Variants in EXT2 observed in about 807,000 individuals in gnomAD.
EXT2 encodes exostosin-2.
In EXT2, 53 loss-of-function variants were observed where a neutral mutation model predicts 81.6. The observed-to-expected ratio is 0.65, with a 90% CI of 0.52 to 0.82. EXT2 has a LOEUF of 0.82. Ranked by LOEUF, EXT2 falls within the 40% of genes least tolerant of loss-of-function variation. The probability of loss-of-function intolerance (pLI) is 0.00; values close to 1 mark genes in which losing one functional copy is unlikely to be tolerated. For missense variants in EXT2, 774 were observed against 910.2 expected, an observed-to-expected ratio of 0.85 and a Z score of 1.93; for synonymous variants, 320 against 340.0, an observed-to-expected ratio of 0.94 and a Z score of 0.65.
chr11:44,161,806 G>A (rs1234599450), intron 7 of EXT2, among the ~76,000 whole-genome samples: 1 of 152,204 alleles, frequency 6.6e-6, no homozygotes, highest in Non-Finnish European at 1.5e-5. Context: ...CTGATGGAGT[G>A]TGAAGGGAAG....
intron 8 of EXT2, 67 bp from the exon 9 acceptor site, chr11:44,197,762 G>A: frequency 6.4e-7 from 1 of 1,559,594 alleles, no homozygotes. Flanking sequence ...TGGGTTTGCT[G>A]ACGATATTGG....
At chr11:44,154,026 T>C (rs1954827897) in intron 7 of EXT2, among the ~76,000 whole-genome samples, 1 of 151,872 alleles carries the variant, frequency 6.6e-6, no homozygotes, top group South Asian at 2.1e-4. Flanking sequence ...ATAGTAGGTA[T>C]ATATATTTAT....
At chr11:44,194,275 T>A (rs544447731) in intron 8 of EXT2, among the ~76,000 whole-genome samples, 1 of 152,320 alleles carries the variant, frequency 6.6e-6, no homozygotes, top group South Asian at 2.1e-4. Flanking sequence ...TGTGTCAGTG[T>A]TATATATTCG....
At chr11:44,230,761 A>G (rs1205799674) in intron 10 of EXT2, among the ~76,000 whole-genome samples, 2 of 152,176 alleles carry the variant, frequency 1.3e-5, no homozygotes, top group African/African-American at 2.4e-5. Context: ...TCAGATTTCT[A>G]ACCTCTAGAA....
chr11:44,244,321 T>C lies in EXT2; in HGVS notation c.*34T>C. On this transcript the variant is annotated 3_prime_UTR_variant, in exon 14 of 14. Coordinates refer to ENST00000533608, the MANE Select transcript of EXT2 (RefSeq NM_207122.2). The stretch of plus-strand genomic sequence containing the variant: ...ATTGGTGGAGGTCTGAATGTGAGGC[T>C]GGGACAGAGGGAGAGAACAAGGCCT... 6.2e-7 allele frequency: 1 copy of C among 1,613,248 alleles called. No homozygotes were observed. The highest frequency in any genetic ancestry group is 8.5e-7 in the Non-Finnish European group (1 of 1,179,268).
chr11:44,107,379 G>A (rs544414226), intron 1 of EXT2, among the ~76,000 whole-genome samples: 16 of 152,200 alleles, frequency 1.1e-4, no homozygotes, highest in African/African-American at 3.1e-4. Flanking sequence ...CTGATAGATT[G>A]AGCTCAGGAG....
intron 10 of EXT2, among the ~76,000 whole-genome samples, chr11:44,212,815 C>G (rs1417127666): frequency 6.6e-6 from 1 of 152,056 alleles, no homozygotes; most frequent in East Asian, 1.9e-4. Context: ...TGAACAAAGT[C>G]AGATGTAGGA....
At chr11:44,148,428 G>A (rs1053711753) in intron 7 of EXT2, among the ~76,000 whole-genome samples, 1 of 152,162 alleles carries the variant, frequency 6.6e-6, no homozygotes, top group African/African-American at 2.4e-5. Flanking sequence ...GGAGCATTAG[G>A]AGTCTTGAAG....
chr11:44,202,206 C>T lies in EXT2; in HGVS notation c.1495+4188C>T, dbSNP rs74474176. Among the ~76,000 whole-genome samples, 130 of 152,320 alleles carry T rather than the reference C, an allele frequency of 8.5e-4. 1 individual carries two copies. The East Asian group carries it at 0.023, about 26-fold the overall frequency. ...TCTTCATTGTTCTCTAAAACTTCCC[C>T]TTCAAAGACTTTACAGAGGCAAGTT... On this transcript the variant is annotated intron_variant, in intron 9 of 13. Transcript: ENST00000533608.
intron 2 of EXT2, among the ~76,000 whole-genome samples, chr11:44,108,821 CT>C (rs1356194550): frequency 2.6e-5 from 4 of 152,042 alleles, no homozygotes; most frequent in Admixed American, 2.6e-4. Context: ...ATTTTATGTT[CT>C]TTTACTATAT....
chr11:44,165,408 A>T (rs1954982299), intron 7 of EXT2, among the ~76,000 whole-genome samples: 1 of 152,230 alleles, frequency 6.6e-6, no homozygotes. Context: ...GACCTGCAGA[A>T]ACAATTAAGC....
intron 1 of EXT2, among the ~76,000 whole-genome samples, chr11:44,105,612 T>G (rs1954042926): frequency 6.6e-6 from 1 of 152,344 alleles, no homozygotes; most frequent in East Asian, 1.9e-4. Context: ...GGATTGGTAT[T>G]TTGACATGCA....
At position 44,244,198 on chromosome 11, in the gene EXT2, A is replaced by T. The variant is rs1956071337; in HGVS notation, c.2068A>T (p.Lys690Ter). Reference sequence around the variant, plus strand: ...TTCAGTCTTCGGGACCATGCCTCTCAAGGTGGTGGAACACCGAGCTGACCC... The same window carrying T: ...TTCAGTCTTCGGGACCATGCCTCTCTAGGTGGTGGAACACCGAGCTGACCC... ...FASVFGTMPLKVVEHRADPVL... is the reference protein window; with the variant it reads ...FASVFGTMPL Residue 690 changes from lysine to a stop codon, truncating the protein, a stop_gained, in exon 14 of 14, where the codon AAG becomes TAG. Coordinates refer to ENST00000533608, the MANE Select transcript of EXT2 (RefSeq NM_207122.2). LOFTEE classifies it high-confidence loss of function. 1 of 1,613,852 alleles carries T rather than the reference A, an allele frequency of 6.2e-7. No individual in the cohort carries two copies. Among genetic ancestry groups the T allele is most frequent in the African/African-American group, 1.3e-5 (1 of 74,908 alleles).
At chr11:44,239,213 G>GT (rs1956005503) in intron 13 of EXT2, among the ~76,000 whole-genome samples, 1 of 152,022 alleles carries the variant, frequency 6.6e-6, no homozygotes, top group South Asian at 2.1e-4. Context: ...AAGATTTTGA[G>GT]TGGTAGTAGT....
rs984551734 is a variant in EXT2, at chr11:44,148,063, A to G, written c.1173+17925A>G. ...CTGTCCTTTTCAAGATTCTTAGTGC[A>G]TGACTTTGGATGAGTTATTTAGCTT... On this transcript the variant is annotated intron_variant, in intron 7 of 13. Coordinates refer to ENST00000533608, the MANE Select transcript of EXT2 (RefSeq NM_207122.2). Among the ~76,000 whole-genome samples, 31 of 152,074 alleles carry G rather than the reference A, an allele frequency of 2.0e-4. 2 individuals are homozygous for G. Among genetic ancestry groups the G allele is most frequent in the Admixed American group, 1.9e-3 (29 of 15,270 alleles).
chr11:44,120,859 G>C (rs1373905025), intron 4 of EXT2, among the ~76,000 whole-genome samples: 1 of 152,166 alleles, frequency 6.6e-6, no homozygotes. Context: ...TTACTATTGA[G>C]GGAGACTTCA....
At chr11:44,147,413 G>A (rs1235550273) in intron 7 of EXT2, among the ~76,000 whole-genome samples, 1 of 152,158 alleles carries the variant, frequency 6.6e-6, no homozygotes, top group African/African-American at 2.4e-5. Flanking sequence ...AGAAGCCTGA[G>A]TAAATAAATT....
intron 8 of EXT2, among the ~76,000 whole-genome samples, chr11:44,184,755 T>A (rs1955287383): frequency 6.6e-6 from 1 of 151,420 alleles, no homozygotes; most frequent in Non-Finnish European, 1.5e-5. Flanking sequence ...CGTCTCAAAA[T>A]AATAATAATA....
At chr11:44,122,528 G>T (rs1469208089) in intron 4 of EXT2, among the ~76,000 whole-genome samples, 1 of 152,314 alleles carries the variant, frequency 6.6e-6, no homozygotes, top group Non-Finnish European at 1.5e-5. Flanking sequence ...GAGGCTCAAG[G>T]CTTGGAGTAG....
Sources: allele counts gnomAD v4.1 joint callset (sites outside exome capture counted in the v4.1 genomes callset), GRCh38; gene constraint gnomAD v4.1.1; transcripts MANE v1.5; gene names NCBI Gene and HGNC (gene_info 2026-07-23, HGNC 2026-07-21).